Variants in GCFC2 observed in about 807,000 individuals in gnomAD.
The protein encoded by GCFC2 is GC-rich sequence DNA-binding factor 2.
Under a neutral mutation model 99.4 loss-of-function variants are expected in GCFC2, and 102 were observed. That is an observed-to-expected ratio of 1.03 (90% CI 0.87 to 1.21). GCFC2 has a LOEUF of 1.21. GCFC2 is among the 50% of genes most tolerant of loss of function. The probability of loss-of-function intolerance (pLI) is 0.00; values close to 1 mark genes in which losing one functional copy is unlikely to be tolerated. For synonymous variants in GCFC2, 338 were observed against 316.8 expected (o/e 1.07, Z -0.71); for missense variants, 973 against 920.9 (o/e 1.06, Z -0.73).
At position 75,673,561 on chromosome 2, in the gene GCFC2, GA is replaced by G. The variant is rs546896015; in HGVS notation, c.1813-42del. 1,239 of 843,316 alleles carry G rather than the reference GA, an allele frequency of 1.5e-3. 27 individuals carry two copies. The South Asian group carries it at 0.016, about 11-fold the overall frequency. 52.2% of individuals were successfully genotyped at this position (843,316 alleles called of 1,614,324 possible). A position where few individuals can be genotyped will look rare whatever the true frequency, so the allele number is the denominator to read the frequency against. ...TGAAAAGCATCAGTGATAGAAGATAGAAATGTATTTACCAAAAAAAAAGTAA... is the reference window on the plus strand; with the variant it reads ...TGAAAAGCATCAGTGATAGAAGATAGAATGTATTTACCAAAAAAAAAGTAA... On this transcript the variant is annotated intron_variant, in intron 12 of 16. Transcript: ENST00000321027.
intron 1 of GCFC2, among the ~76,000 whole-genome samples, chr2:75,708,388 G>A (rs1680964416): frequency 6.6e-6 from 1 of 151,242 alleles, no homozygotes; most frequent in Non-Finnish European, 1.5e-5. Flanking sequence ...TCCAAATAAT[G>A]CAAGATGTTA....
intron 3 of GCFC2, 121 bp from the exon 4 acceptor site, chr2:75,701,408 T>C (rs2104398989): frequency 1.6e-6 from 1 of 622,408 alleles, no homozygotes; most frequent in Non-Finnish European, 2.8e-6. Context: ...TTATTCTTCA[T>C]AATAATTCTG....
chr2:75,697,247 A>G (rs1176155779), intron 4 of GCFC2, among the ~76,000 whole-genome samples: 8 of 152,242 alleles, frequency 5.3e-5, no homozygotes, highest in Admixed American at 5.2e-4. Context: ...TTACACAAAG[A>G]CACATGAAGA....
chr2:75,710,809 G>C lies in GCFC2; in HGVS notation c.47C>G (p.Ser16Cys). The change falls in exon 1 of 17, where the codon TCC becomes TGC. Residue 16 changes from serine to cysteine, a missense_variant. By Grantham distance (112) the Ser-to-Cys change is moderately radical (BLOSUM62 -1). Coordinates refer to ENST00000321027, the MANE Select transcript of GCFC2 (RefSeq NM_003203.5). ...KRTFRQRAAD[S>C]SDSDGAEESP... ...CTCCTCGGCGCCATCGCTGTCGCTG[G>C]AATCAGCCGCGCGCTGCCGAAAAGT... 4 of 1,578,748 alleles carry C rather than the reference G, an allele frequency of 2.5e-6. No individual in the cohort carries two copies. The highest frequency in any genetic ancestry group is 1.2e-5 in the South Asian group (1 of 86,794).
chr2:75,698,039 G>A (rs957972840), intron 4 of GCFC2: 1 of 152,202 alleles, frequency 6.6e-6, no homozygotes, highest in Non-Finnish European at 1.5e-5. Context: ...CCACAGGAAA[G>A]TAACACAGTG....
intron 4 of GCFC2, among the ~76,000 whole-genome samples, chr2:75,699,288 T>G (rs1445006214): frequency 1.3e-5 from 2 of 152,224 alleles, no homozygotes; most frequent in Admixed American, 1.3e-4. Flanking sequence ...TGGTTAGTTC[T>G]TAGGACATAA....
Position 75,680,173 on chromosome 2 carries a change from G to T in GCFC2, c.1812+20C>A. 6.4e-7 allele frequency: 1 copy of T among 1,569,820 alleles called. No individual in the cohort carries two copies. ...GATTTAGAGATAGATCATGGAGTTC[G>T]CAACTCTAGAAATTATTACCTGTCT... On this transcript the variant is annotated intron_variant, in intron 12 of 16. Coordinates refer to ENST00000321027, the MANE Select transcript of GCFC2 (RefSeq NM_003203.5).
intron 6 of GCFC2, among the ~76,000 whole-genome samples, chr2:75,692,458 C>G (rs1385204274): frequency 3.9e-5 from 6 of 151,904 alleles, no homozygotes; most frequent in Non-Finnish European, 5.9e-5. Flanking sequence ...GCCAGCCTGG[C>G]CAACATAGCG....
intron 15 of GCFC2, among the ~76,000 whole-genome samples, chr2:75,668,071 T>A (rs934731460): frequency 7.9e-5 from 12 of 152,180 alleles, no homozygotes; most frequent in Admixed American, 3.9e-4. Flanking sequence ...AACTGGTGCC[T>A]GAGTACAAGA....
chr2:75,706,728 T>C (rs1047843690), intron 1 of GCFC2, 77 bp from the exon 2 acceptor site: 16 of 941,686 alleles, frequency 1.7e-5, no homozygotes, highest in Non-Finnish European at 2.7e-5. Context: ...GAACAACACA[T>C]GGCATATGTA....
chr2:75,668,461 A>G (rs1678947062), intron 15 of GCFC2, among the ~76,000 whole-genome samples: 1 of 152,216 alleles, frequency 6.6e-6, no homozygotes, highest in Non-Finnish European at 1.5e-5. Flanking sequence ...TTTCTTTCCC[A>G]GTCTGTCTGC....
rs1681119081 is a variant in GCFC2 at position 75,710,686 on chromosome 2, A to C, written c.170T>G (p.Leu57Arg). Reference protein sequence around the residue: ...SGGGRAQVAGLPHRVRGPRGR... With the variant: ...SGGGRAQVAGRPHRVRGPRGR... ...ACGAGGGCCCCGAACCCGGTGGGGCAGTCCCGCCACCTGCGCGCGGCCTCC... is the reference window on the plus strand; with the variant it reads ...ACGAGGGCCCCGAACCCGGTGGGGCCGTCCCGCCACCTGCGCGCGGCCTCC... Residue 57 changes from leucine to arginine, a missense_variant, in exon 1 of 17, where the codon CTG becomes CGG. Leu to Arg is a moderately radical substitution (Grantham distance 102). Transcript: ENST00000321027. 6.6e-7 allele frequency: 1 copy of C among 1,526,134 alleles called. No homozygotes were observed. Among genetic ancestry groups the C allele is most frequent in the South Asian group, 1.2e-5 (1 of 82,694 alleles). The allele number at this position is 1,526,134 out of a possible 1,614,324, so 94.5% of individuals were successfully genotyped here.
Position 75,710,686 on chromosome 2 carries a change from A to G in GCFC2, c.170T>C (p.Leu57Pro), listed in dbSNP as rs1681119081. The change falls in exon 1 of 17, where the codon CTG becomes CCG. Residue 57 changes from leucine (L) to proline (P), a missense_variant. Physicochemically the swap from Leu to Pro is moderately conservative, Grantham distance 98 (BLOSUM62 -3). Coordinates refer to ENST00000321027, the MANE Select transcript of GCFC2 (RefSeq NM_003203.5). ...SGGGRAQVAG[L>P]PHRVRGPRGR... ...ACGAGGGCCCCGAACCCGGTGGGGC[A>G]GTCCCGCCACCTGCGCGCGGCCTCC... The G allele has an allele frequency of 2.0e-6, 3 of 1,526,016 alleles. No homozygotes were observed. Among genetic ancestry groups the G allele is most frequent in the Non-Finnish European group, 2.6e-6 (3 of 1,141,972 alleles). 94.5% of individuals were successfully genotyped at this position (1,526,016 alleles called of 1,614,324 possible).
At chr2:75,674,211 G>A (rs934655144) in intron 12 of GCFC2, among the ~76,000 whole-genome samples, 1 of 152,102 alleles carries the variant, frequency 6.6e-6, no homozygotes, top group Admixed American at 6.5e-5. Context: ...ATTAGGTTCT[G>A]TCTTTTTATT....
intron 16 of GCFC2, among the ~76,000 whole-genome samples, chr2:75,665,137 A>G (rs1678778567): frequency 6.6e-6 from 1 of 152,016 alleles, no homozygotes; most frequent in South Asian, 2.1e-4. Flanking sequence ...ACATTAGCAA[A>G]TAATACAAAT....
intron 11 of GCFC2, among the ~76,000 whole-genome samples, chr2:75,683,771 C>CAAAAAAAAAAAAAAAAAAAAAGAAAAA (rs1679688456): frequency 1.7e-5 from 1 of 60,424 alleles, no homozygotes; most frequent in Non-Finnish European, 3.1e-5. Flanking sequence ...AAATGGAAAG[C>CAAAAAAAAAAAAAAAAAAAAAGAAAAA]AAAAAAAAAA....
Position 75,708,171 on chromosome 2 carries a change from A to C in GCFC2, c.266-1520T>G, listed in dbSNP as rs140055434. Among the ~76,000 whole-genome samples the C allele has an allele frequency of 4.6e-5, 7 of 152,310 alleles. No homozygotes were observed. In the East Asian group the frequency reaches 1.2e-3, roughly 25 times the overall value. On this transcript the variant is annotated intron_variant, in intron 1 of 16. Transcript: ENST00000321027. ...GCTATCTGACAAACATTTTCTCAAA[A>C]CATGAGCCCGGTTGTGCCTATCAAT... is the stretch of plus-strand genomic sequence containing the variant.
intron 11 of GCFC2, 37 bp downstream of exon 11, chr2:75,687,790 A>C (rs1487562150): frequency 6.5e-7 from 1 of 1,527,280 alleles, no homozygotes; most frequent in Non-Finnish European, 8.9e-7. Flanking sequence ...ACTCTGTCAG[A>C]AAATAATTTA....
At position 75,664,009 on chromosome 2, in the gene GCFC2, G is replaced by C. The variant is rs1258740702; in HGVS notation, c.*657C>G. ...GGATATTTCAGAAATAATTACAAAT[G>C]GCCAAAACCAATATGTTTACTCTCT... On this transcript the variant is annotated 3_prime_UTR_variant, in exon 17 of 17. Coordinates refer to ENST00000321027, the MANE Select transcript of GCFC2 (RefSeq NM_003203.5). The C allele has an allele frequency of 6.6e-6, 1 of 152,206 alleles. No homozygotes were observed. Among genetic ancestry groups the C allele is most frequent in the East Asian group, 1.9e-4 (1 of 5,188 alleles). The allele number at this position is 152,206 out of a possible 1,614,324, so 9.4% of individuals were successfully genotyped here.
Sources: gnomAD v4.1 joint callset for allele counts (sites outside exome capture counted in the v4.1 genomes callset) on GRCh38, gnomAD v4.1.1 for gene constraint, MANE v1.5 for transcripts, NCBI Gene and HGNC (gene_info 2026-07-23, HGNC 2026-07-21) for gene names.